Variants in MID1 observed in about 807,000 individuals in gnomAD.
MID1 encodes the protein midline 1.
Under a neutral mutation model 40.4 loss-of-function variants are expected in MID1, and 7 were observed. That is an observed-to-expected ratio of 0.17 (90% CI 0.10 to 0.33). The LOEUF is 0.33. Ranked by LOEUF, MID1 falls within the 10% of genes least tolerant of loss-of-function variation. The pLI is 1.00. For synonymous variants in MID1, 229 were observed against 221.2 expected (o/e 1.04, Z -0.31); for missense variants, 367 against 558.5 (o/e 0.66, Z 3.46).
chrX:10,512,339 C>T (rs1932199928), intron 3 of MID1, among the ~76,000 whole-genome samples: 1 of 112,212 alleles, frequency 8.9e-6, no homozygotes, highest in African/African-American at 3.2e-5. Flanking sequence ...ATCTAACTTT[C>T]TAATCACCTG....
chrX:10,804,431 G>C (rs748708496), intron 1 of MID1, among the ~76,000 whole-genome samples: 12 of 111,818 alleles, frequency 1.1e-4, no homozygotes, highest in African/African-American at 3.9e-4. Context: ...TGTTGATCTG[G>C]CTAGGGGTTA....
rs549781551 is a variant in MID1 at position 10,448,337 on chromosome X, T to G, written c.*1031A>C. On this transcript the variant is annotated 3_prime_UTR_variant, in exon 10 of 10. Transcript: ENST00000317552. ...GATGTGGTAGTGCTGATCAGGGCCA[T>G]GTGCTGATGTCCTGGAGAGCAAAAT... 3 of 111,386 alleles carry G rather than the reference T, an allele frequency of 2.7e-5. No homozygotes were observed. In the East Asian group the frequency reaches 8.5e-4, roughly 31 times the overall value. 9.2% of individuals were successfully genotyped at this position (111,386 alleles called of 1,213,427 possible).
chrX:10,828,170 G>C (rs775447900), intron 1 of MID1, among the ~76,000 whole-genome samples: 1 of 112,146 alleles, frequency 8.9e-6, no homozygotes, highest in Admixed American at 9.5e-5. Flanking sequence ...GGAGCCATTT[G>C]ATCTACGCTT....
intron 1 of MID1, among the ~76,000 whole-genome samples, chrX:10,784,590 C>T (rs992148053): frequency 4.2e-4 from 45 of 108,175 alleles, no homozygotes; most frequent in Non-Finnish European, 6.7e-4. Flanking sequence ...GGATTACAGG[C>T]GCATGCCACC....
intron 2 of MID1, among the ~76,000 whole-genome samples, chrX:10,539,535 A>G (rs1933387324): frequency 1.8e-5 from 2 of 112,480 alleles, no homozygotes; most frequent in South Asian, 7.4e-4. Context: ...TTCTTAAAAT[A>G]AAGCTGCTTC....
At chrX:10,765,991 GAA>G (rs1349840713) in intron 1 of MID1, among the ~76,000 whole-genome samples, 5 of 106,910 alleles carry the variant, frequency 4.7e-5, no homozygotes, top group East Asian at 3.1e-4. Context: ...AAGAAAGAAA[GAA>G]AGAAAGAAAG....
At chrX:10,542,333 T>C (rs1381115501) in intron 2 of MID1, among the ~76,000 whole-genome samples, 1 of 111,488 alleles carries the variant, frequency 9.0e-6, no homozygotes, top group African/African-American at 3.3e-5. Flanking sequence ...GTATATAGTG[T>C]CTCCATAGGG....
chrX:10,735,739 G>A (rs2043483319), intron 1 of MID1, among the ~76,000 whole-genome samples: 1 of 110,458 alleles, frequency 9.1e-6, no homozygotes, highest in Non-Finnish European at 1.9e-5. Flanking sequence ...ATCCAGGCTG[G>A]GGTGCAATGG....
chrX:10,618,556 G>A (rs1030117839), intron 1 of MID1, among the ~76,000 whole-genome samples: 1 of 111,877 alleles, frequency 8.9e-6, no homozygotes, highest in Non-Finnish European at 1.9e-5. Flanking sequence ...GTAGACATAC[G>A]TAGCTGTGAG....
At chrX:10,801,071 T>A (rs947251158) in intron 1 of MID1, among the ~76,000 whole-genome samples, 1 of 110,954 alleles carries the variant, frequency 9.0e-6, no homozygotes, top group Admixed American at 9.6e-5. Context: ...GAGCTTTTAT[T>A]TTTTGATGAA....
chrX:10,566,650 C>A (rs1163464675), intron 2 of MID1, among the ~76,000 whole-genome samples: 4 of 109,102 alleles, frequency 3.7e-5, no homozygotes, highest in Non-Finnish European at 7.6e-5. Context: ...TGAAAATGAT[C>A]CAGATTTTTA....
At chrX:10,583,923 C>T (rs758863945) in intron 1 of MID1, among the ~76,000 whole-genome samples, 1 of 109,554 alleles carries the variant, frequency 9.1e-6, no homozygotes, top group South Asian at 4.1e-4. Context: ...CCCAGCTACT[C>T]GGGAGGCTGA....
intron 3 of MID1, among the ~76,000 whole-genome samples, chrX:10,515,786 G>A (rs571747344): frequency 1.0e-3 from 113 of 111,925 alleles, no homozygotes; most frequent in African/African-American, 3.1e-3. Context: ...TTTCCAAAAC[G>A]AACATCTATT....
Position 10,666,956 on chromosome X carries a change from T to C in MID1, c.-186-46537A>G, listed in dbSNP as rs1238079339. On this transcript the variant is annotated intron_variant, in intron 1 of 10. Transcript: ENST00000380785. ...AAATGATGAAATGGGCTCCTGATCA[T>C]GGACAGGAATAAGGAATATTCTTCT... Among the ~76,000 whole-genome samples, 3 of 111,722 alleles carry C rather than the reference T, an allele frequency of 2.7e-5. No homozygotes were observed. In the Admixed American group the frequency reaches 2.9e-4, roughly 11 times the overall value.
chrX:10,782,483 G>T (rs2043853880), intron 1 of MID1, among the ~76,000 whole-genome samples: 3 of 111,761 alleles, frequency 2.7e-5, no homozygotes, highest in South Asian at 7.5e-4. Flanking sequence ...ACAGCATGAA[G>T]TGCAGGATCC....
At chrX:10,507,515 G>A (rs1219812469) in intron 3 of MID1, among the ~76,000 whole-genome samples, 1 of 112,578 alleles carries the variant, frequency 8.9e-6, no homozygotes, top group Admixed American at 9.4e-5. Flanking sequence ...AGTTTATTCT[G>A]CAAAAATTAA....
intron 7 of MID1, among the ~76,000 whole-genome samples, chrX:10,460,800 G>C (rs1928979727): frequency 9.0e-6 from 1 of 111,135 alleles, no homozygotes; most frequent in Non-Finnish European, 1.9e-5. Flanking sequence ...TTCTCAAGAA[G>C]CAGTCCCTTA....
intron 1 of MID1, among the ~76,000 whole-genome samples, chrX:10,638,429 G>A (rs919484510): frequency 1.8e-5 from 2 of 111,855 alleles, no homozygotes; most frequent in South Asian, 3.8e-4. Context: ...ATCTGAGATC[G>A]AACTGCAAGG....
chrX:10,493,494 T>A (rs1013890027), intron 4 of MID1, among the ~76,000 whole-genome samples: 22 of 112,210 alleles, frequency 2.0e-4, no homozygotes, highest in Non-Finnish European at 4.1e-4. Flanking sequence ...TTTAAGGTAA[T>A]TTGTTATTGC....
Sources: allele counts gnomAD v4.1 joint callset (sites outside exome capture counted in the v4.1 genomes callset), GRCh38; gene constraint gnomAD v4.1.1; transcripts MANE v1.5; gene names NCBI Gene and HGNC (gene_info 2026-07-23, HGNC 2026-07-21).